LAMC2: variants seen among roughly 807,000 people sequenced by gnomAD.
LAMC2 encodes laminin subunit gamma 2.
A neutral mutation model predicts 140.2 loss-of-function variants in LAMC2; 97 were observed. That is an observed-to-expected ratio of 0.69 (90% confidence interval 0.59 to 0.82). The LOEUF (loss-of-function observed/expected upper bound fraction) is 0.82, where lower values mean the gene tolerates loss of function less well. Among genes scored for constraint, LAMC2 ranks in the 40% least tolerant of loss-of-function variants. The pLI is 0.00. For missense variants in LAMC2, 1,402 were observed against 1,476.1 expected, an observed-to-expected ratio of 0.95 and a Z score of 0.82; for synonymous variants, 513 against 540.2, an observed-to-expected ratio of 0.95 and a Z score of 0.70.
chr1:183,194,249 T>TG (rs1658442233), intron 1 of LAMC2, among the ~76,000 whole-genome samples: 1 of 129,108 alleles, frequency 7.7e-6, no homozygotes, highest in Non-Finnish European at 1.6e-5. Context: ...ATCTTTTTTC[T>TG]GAAAAAAAAA....
chr1:183,225,194 T>C (rs1299798719), intron 7 of LAMC2, among the ~76,000 whole-genome samples: 2 of 152,094 alleles, frequency 1.3e-5, no homozygotes, highest in Non-Finnish European at 2.9e-5. Flanking sequence ...AAAAAGTAAG[T>C]AAAATGTGCT....
At chr1:183,193,353 C>G (rs1658404664) in intron 1 of LAMC2, among the ~76,000 whole-genome samples, 1 of 152,176 alleles carries the variant, frequency 6.6e-6, no homozygotes, top group African/African-American at 2.4e-5. Context: ...TTTTAGCAAT[C>G]ATTGTTCTTT....
intron 1 of LAMC2, among the ~76,000 whole-genome samples, chr1:183,201,920 C>T (rs1307160055): frequency 6.6e-6 from 1 of 152,108 alleles, no homozygotes; most frequent in Non-Finnish European, 1.5e-5. Context: ...AAATGGCTAA[C>T]TTGAAGATAA....
At chr1:183,200,995 A>C (rs1422086738) in intron 1 of LAMC2, among the ~76,000 whole-genome samples, 2 of 152,192 alleles carry the variant, frequency 1.3e-5, no homozygotes, top group African/African-American at 4.8e-5. Flanking sequence ...ATCTGACTCA[A>C]ATGACTCCGT....
the LAMC2 span, among the ~76,000 whole-genome samples, chr1:183,256,021 GGCATTCTTGCTTTATATCA>G: frequency 1.1e-3 from 171 of 152,006 alleles, no homozygotes; most frequent in Non-Finnish European, 1.9e-3. Flanking sequence ...GGGAATAGTG[GGCATTCTTGCTTTATATCA>G]GGTCTTAGAG....
intron 2 of LAMC2, among the ~76,000 whole-genome samples, chr1:183,211,885 T>A (rs1418396646): frequency 6.6e-6 from 1 of 152,342 alleles, no homozygotes; most frequent in African/African-American, 2.4e-5. Context: ...ATATAAAGCA[T>A]GAATGTGCTT....
At chr1:183,192,132 CCT>C (rs1658354383) in intron 1 of LAMC2, among the ~76,000 whole-genome samples, 1 of 152,174 alleles carries the variant, frequency 6.6e-6, no homozygotes, top group Admixed American at 6.5e-5. Flanking sequence ...AATGGTTCTT[CCT>C]CCAGCACTGA....
chr1:183,190,948 T>C (rs979362776), intron 1 of LAMC2, among the ~76,000 whole-genome samples: 1 of 152,222 alleles, frequency 6.6e-6, no homozygotes, highest in Non-Finnish European at 1.5e-5. Context: ...GTGTATATTG[T>C]GATCTTCACA....
intron 1 of LAMC2, among the ~76,000 whole-genome samples, chr1:183,197,511 C>T (rs1184808293): frequency 2.0e-5 from 3 of 152,006 alleles, no homozygotes; most frequent in African/African-American, 7.2e-5. Context: ...CCTGTCTCTA[C>T]TAAAAATACA....
chr1:183,255,016 TTA>T, the LAMC2 span, among the ~76,000 whole-genome samples: 1 of 152,202 alleles, frequency 6.6e-6, no homozygotes, highest in Non-Finnish European at 1.5e-5. Flanking sequence ...AGATTTTCCT[TTA>T]TGTTTTCTTC....
intron 5 of LAMC2, among the ~76,000 whole-genome samples, chr1:183,221,738 A>AG (rs1350942571): frequency 6.6e-6 from 1 of 151,936 alleles, no homozygotes; most frequent in Non-Finnish European, 1.5e-5. Flanking sequence ...TAAAAAAAAA[A>AG]CAAATGAAAA....
At chr1:183,234,942 G>A (rs939222750) in intron 15 of LAMC2, among the ~76,000 whole-genome samples, 2 of 152,106 alleles carry the variant, frequency 1.3e-5, no homozygotes, top group African/African-American at 2.4e-5. Context: ...GAAATCCTAC[G>A]GTGTTTAAGA....
Position 183,244,759 on chromosome 1 carries a change from T to C in LAMC2, c.*1359T>C, listed in dbSNP as rs1303834523. 1 of 152,624 alleles carries C rather than the reference T, an allele frequency of 6.6e-6. No homozygotes were observed. The highest frequency in any genetic ancestry group is 1.9e-4 in the East Asian group (1 of 5,194). 9.5% of individuals were successfully genotyped at this position (152,624 alleles called of 1,614,324 possible). Reference sequence around the variant, plus strand: ...TTCTACAACTGATTGCAACAGACTGTTGAGTTATGATAACACCAGTGGGAA... The same window carrying C: ...TTCTACAACTGATTGCAACAGACTGCTGAGTTATGATAACACCAGTGGGAA... On this transcript the variant is annotated 3_prime_UTR_variant, in exon 23 of 23. Transcript: ENST00000264144.
At chr1:183,188,029 A>G (rs940218436) in intron 1 of LAMC2, among the ~76,000 whole-genome samples, 4 of 152,202 alleles carry the variant, frequency 2.6e-5, no homozygotes, top group African/African-American at 9.6e-5. Context: ...AATATATAGG[A>G]TGCTATCAAT....
chr1:183,243,038 C>A, intron 22 of LAMC2, 109 bp from the exon 23 acceptor site: 1 of 1,217,794 alleles, frequency 8.2e-7, no homozygotes, highest in Non-Finnish European at 1.2e-6. Flanking sequence ...ACTATTTGCT[C>A]TAGGCAAGTG....
At chr1:183,213,192 T>G (rs1659124561) in intron 2 of LAMC2, among the ~76,000 whole-genome samples, 1 of 152,254 alleles carries the variant, frequency 6.6e-6, no homozygotes, top group Admixed American at 6.5e-5. Context: ...CTAATACATA[T>G]AAAGTGCCTA....
At chr1:183,251,300 CAAG>C in the LAMC2 span, 3 of 151,894 alleles carry the variant, frequency 2.0e-5, no homozygotes, top group African/African-American at 7.3e-5. Context: ...CACTGCTTCT[CAAG>C]AAGAAACTGA....
intron 11 of LAMC2, among the ~76,000 whole-genome samples, chr1:183,230,568 T>C (rs1659767434): frequency 6.6e-6 from 1 of 152,350 alleles, no homozygotes; most frequent in South Asian, 2.1e-4. Context: ...TTACTTGCCA[T>C]GTAACCTCAG....
At chr1:183,246,429 A>G (rs1660245224), downstream of LAMC2, among the ~76,000 whole-genome samples, 1 of 152,182 alleles carries the variant, frequency 6.6e-6, no homozygotes, top group South Asian at 2.1e-4. Context: ...TTTCGTCAGT[A>G]TTAGTAGTTC....
Sources: allele counts gnomAD v4.1 joint callset (sites outside exome capture counted in the v4.1 genomes callset), GRCh38; gene constraint gnomAD v4.1.1; transcripts MANE v1.5; gene names NCBI Gene and HGNC (gene_info 2026-07-23, HGNC 2026-07-21).